Variants in MZT2B observed in about 807,000 individuals in gnomAD.
The protein encoded by MZT2B is mitotic spindle organizing protein 2B, also known as mitotic-spindle organizing protein 2B.
MZT2B carries 11 observed loss-of-function variants against 12.1 expected under a neutral mutation model. The observed-to-expected ratio is 0.91, with a 90% CI of 0.57 to 1.50. The LOEUF is 1.50. Among genes scored for constraint, MZT2B ranks in the 40% most tolerant of loss-of-function variants. MZT2B has a pLI of 0.00. For synonymous variants in MZT2B, 85 were observed against 109.5 expected (o/e 0.78, Z 1.40); for missense variants, 209 against 227.7 (o/e 0.92, Z 0.53).
At chr2:130,204,279 G>T in the MZT2B span, 16 of 502,854 alleles carry the variant, frequency 3.2e-5, no homozygotes, top group Admixed American at 1.1e-4. Context: ...ATGAGCTCAT[G>T]GCAGAGCTCT....
At chr2:130,182,255 G>T, upstream of MZT2B, 1 of 1,261,172 alleles carries the variant, frequency 7.9e-7, no homozygotes, top group East Asian at 3.4e-5. Context: ...GCGGCGGGGC[G>T]GAGCGCACCT....
At chr2:130,185,289 G>A (rs1184295859) in intron 2 of MZT2B, among the ~76,000 whole-genome samples, 5 of 145,254 alleles carry the variant, frequency 3.4e-5, no homozygotes, top group Non-Finnish European at 6.0e-5. Context: ...CCAGCCTGGG[G>A]GACAGAGCGA....
intron 2 of MZT2B, chr2:130,183,878 C>T (rs1198556168): frequency 6.4e-7 from 1 of 1,550,520 alleles, no homozygotes; most frequent in Non-Finnish European, 8.7e-7. Context: ...CGGTTCTGCT[C>T]CACAGCCCGG....
chr2:130,190,599 G>C lies in MZT2B; in HGVS notation c.450G>C (p.Gly150=). ...GGCTGCCCAAGGGGGGCGGGCCTGGGAAGAGCCCTACACGGGGCAGCACCT... is the reference window on the plus strand; with the variant it reads ...GGCTGCCCAAGGGGGGCGGGCCTGGCAAGAGCCCTACACGGGGCAGCACCT... ...ATRLPKGGGP[G]KSPTRGST is the part of the protein sequence containing the mutation. The change falls in exon 3 of 3, where the codon GGG becomes GGC. Residue 150 remains glycine (G), a synonymous_variant. Transcript: ENST00000281871. The C allele has an allele frequency of 6.2e-7, 1 of 1,612,836 alleles. No homozygotes were observed. Among genetic ancestry groups the C allele is most frequent in the Non-Finnish European group, 8.5e-7 (1 of 1,179,322 alleles).
chr2:130,198,498 G>T, the MZT2B span: 1 of 1,060,698 alleles, frequency 9.4e-7, no homozygotes. Flanking sequence ...CCATTGGCTC[G>T]GAGTTCCTGG....
chr2:130,182,083 G>A, upstream of MZT2B: 1 of 1,350,374 alleles, frequency 7.4e-7, no homozygotes, highest in South Asian at 1.5e-5. Context: ...CCGGCTCCTA[G>A]AGCGCCGCTC....
At chr2:130,185,645 C>T (rs1209321846) in intron 2 of MZT2B, among the ~76,000 whole-genome samples, 1 of 94,612 alleles carries the variant, frequency 1.1e-5, no homozygotes, top group Non-Finnish European at 2.2e-5. Context: ...GTGGGTGAGG[C>T]AGAGCGCTGT....
At chr2:130,196,197 T>G in the MZT2B span, 1 of 1,613,988 alleles carries the variant, frequency 6.2e-7, no homozygotes, top group Non-Finnish European at 8.5e-7. Context: ...GGCACGTGCT[T>G]GCCAGCTCCA....
In MZT2B at chr2:130,182,436, G is replaced by T; in HGVS notation, c.154G>T (p.Asp52Tyr). 6.4e-7 allele frequency: 1 copy of T among 1,560,442 alleles called. No homozygotes were observed. The highest frequency in any genetic ancestry group is 8.7e-7 in the Non-Finnish European group (1 of 1,155,026). Reference sequence around the variant, plus strand: ...GGCGCAGGCGGCGGGCGGCGCTATCGACCCCGACGTGTTCAAGTGAGCGGG... The same window carrying T: ...GGCGCAGGCGGCGGGCGGCGCTATCTACCCCGACGTGTTCAAGTGAGCGGG... The part of the protein sequence containing the change: ...ELAQAAGGAI[D>Y]PDVFKILVDL... Residue 52 changes from aspartate to tyrosine, a missense_variant, in exon 1 of 3, where the codon GAC becomes TAC. Physicochemically the swap from Asp to Tyr is radical, Grantham distance 160 (BLOSUM62 -3). Coordinates refer to ENST00000281871, the MANE Select transcript of MZT2B (RefSeq NM_025029.5).
chr2:130,190,504 T>A lies in MZT2B; in HGVS notation c.355T>A (p.Leu119Met), dbSNP rs143557412. 2.0e-5 allele frequency: 32 copies of A among 1,613,760 alleles called. No homozygotes were observed. In the African/African-American group the frequency reaches 2.9e-4, roughly 15 times the overall value. ...NKGSAALGGA[L>M]ALAERSSREG... ...AGGCAGCGCTGCCCTCGGGGGAGCA[T>A]TGGCCCTGGCGGAACGCAGCAGCCG... Residue 119 changes from leucine to methionine, a missense_variant, in exon 3 of 3, where the codon TTG (leucine) becomes ATG (methionine). Leu to Met is a conservative substitution (Grantham distance 15, BLOSUM62 2). Transcript: ENST00000281871.
chr2:130,195,094 G>A (rs375882916), downstream of MZT2B: 38 of 1,613,020 alleles, frequency 2.4e-5, no homozygotes, highest in Admixed American at 5.0e-5. Flanking sequence ...TGCGGATCCG[G>A]TCCAGGACTA....
downstream of MZT2B, chr2:130,194,083 C>T (rs139275097): frequency 6.8e-6 from 11 of 1,614,062 alleles, no homozygotes; most frequent in African/African-American, 2.7e-5. Context: ...TCTGGAATTC[C>T]GTCAAGTCCA....
At chr2:130,199,786 A>C in the MZT2B span, among the ~76,000 whole-genome samples, 1 of 64,700 alleles carries the variant, frequency 1.5e-5, no homozygotes, top group Non-Finnish European at 3.5e-5. Flanking sequence ...TGAGGAATTT[A>C]TATTAAAATA....
At chr2:130,199,613 T>G in the MZT2B span, among the ~76,000 whole-genome samples, 2 of 122,096 alleles carry the variant, frequency 1.6e-5, no homozygotes, top group Admixed American at 1.8e-4. Context: ...GCAAGTTGTC[T>G]TAAAATATTA....
the MZT2B span, among the ~76,000 whole-genome samples, chr2:130,201,436 G>A: frequency 6.6e-6 from 1 of 152,222 alleles, no homozygotes; most frequent in Non-Finnish European, 1.5e-5. Context: ...CGGGGAGGTA[G>A]CATCCAAGCG....
chr2:130,184,826 G>A lies in MZT2B; in HGVS notation c.319+2051G>A, dbSNP rs1426858899. 4 of 985,384 alleles carry A rather than the reference G, an allele frequency of 4.1e-6. No individual in the cohort carries two copies. In the East Asian group the frequency reaches 3.4e-4, roughly 84 times the overall value. 61.0% of individuals were successfully genotyped at this position (985,384 alleles called of 1,614,324 possible). A position where few individuals can be genotyped will look rare whatever the true frequency, so the allele number is the denominator to read the frequency against. On this transcript the variant is annotated intron_variant, in intron 2 of 2. Transcript: ENST00000281871. The stretch of plus-strand genomic sequence containing the variant: ...CTCTCAGGGCAGAGGGTGTGGCAGG[G>A]AAGTGAGATGATCACACTCAGAGCC...
chr2:130,181,692 C>G, upstream of MZT2B: 1 of 1,548,474 alleles, frequency 6.5e-7, no homozygotes, highest in Admixed American at 2.0e-5. Context: ...GTGCGCAAAG[C>G]GAAGGCCGGC....
chr2:130,201,966 T>C, the MZT2B span, among the ~76,000 whole-genome samples: 2 of 152,240 alleles, frequency 1.3e-5, no homozygotes, highest in East Asian at 3.8e-4. Flanking sequence ...GACCGAAACA[T>C]CATTATATGC....
chr2:130,198,457 C>A, the MZT2B span: 22 of 1,304,680 alleles, frequency 1.7e-5, 5 homozygotes, highest in Non-Finnish European at 2.2e-5. Context: ...CCACGCGCGC[C>A]GCACAGGATT....
Sources: gnomAD v4.1 joint callset for allele counts (sites outside exome capture counted in the v4.1 genomes callset) on GRCh38, gnomAD v4.1.1 for gene constraint, MANE v1.5 for transcripts, NCBI Gene and HGNC (gene_info 2026-07-23, HGNC 2026-07-21) for gene names.